DENND1A: variants seen among roughly 807,000 people sequenced by gnomAD.
DENND1A encodes DENN domain containing 1A, also known as DENN domain-containing protein 1A.
In DENND1A, 51 loss-of-function variants were observed where a neutral mutation model predicts 113.7. That is an observed-to-expected ratio of 0.45 (90% CI 0.36 to 0.57). The LOEUF (loss-of-function observed/expected upper bound fraction) is 0.57, where lower values mean the gene tolerates loss of function less well. Ranked by LOEUF, DENND1A falls within the 20% of genes least tolerant of loss-of-function variation. DENND1A has a pLI of 0.00. For synonymous variants in DENND1A, 565 were observed against 570.8 expected (o/e 0.99, Z 0.14); for missense variants, 1,258 against 1,395.9 (o/e 0.90, Z 1.57).
chr9:123,450,906 T>C (rs894314989), intron 17 of DENND1A, among the ~76,000 whole-genome samples, 157 bp from the exon 18 acceptor site: 3 of 151,804 alleles, frequency 2.0e-5, no homozygotes, highest in Non-Finnish European at 4.4e-5. Context: ...TGAAAACAAA[T>C]ACAACGGTAA....
At chr9:123,576,601 C>T (rs1453071382) in intron 12 of DENND1A, among the ~76,000 whole-genome samples, 1 of 152,064 alleles carries the variant, frequency 6.6e-6, no homozygotes, top group Non-Finnish European at 1.5e-5. Flanking sequence ...TGGGTTCAAG[C>T]GATTCTGCCA....
In DENND1A at chr9:123,546,915, T is replaced by C. The variant is rs147965157; in HGVS notation, c.993+10655A>G. ...ATTTCATTTTGATCATATTCAGTTA[T>C]GCTCTTTGAAATCATTCAGTTGAGA... On this transcript the variant is annotated intron_variant, in intron 13 of 23. Coordinates refer to ENST00000394215, the MANE Select transcript of DENND1A (RefSeq NM_001352964.2). 5.4e-4 allele frequency among the ~76,000 whole-genome samples: 83 copies of C among 152,384 alleles called. 2 individuals are homozygous for C. The highest frequency in any genetic ancestry group is 1.9e-3 in the African/African-American group (81 of 41,592).
intron 2 of DENND1A, among the ~76,000 whole-genome samples, chr9:123,828,652 G>GA (rs993527380): frequency 8.9e-5 from 12 of 135,488 alleles, no homozygotes; most frequent in African/African-American, 2.1e-4. Flanking sequence ...AAAAAAAAAA[G>GA]AAAAAAAAAT....
At chr9:123,538,121 A>G (rs1423852352) in intron 13 of DENND1A, among the ~76,000 whole-genome samples, 1 of 152,204 alleles carries the variant, frequency 6.6e-6, no homozygotes, top group Non-Finnish European at 1.5e-5. Context: ...AATTATGCTC[A>G]TGGTAGTATG....
At chr9:123,656,920 A>G (rs2062979010) in intron 8 of DENND1A, among the ~76,000 whole-genome samples, 2 of 152,194 alleles carry the variant, frequency 1.3e-5, no homozygotes, top group African/African-American at 2.4e-5. Flanking sequence ...TTTCCTACTC[A>G]TGGAGTTTAA....
chr9:123,710,480 G>C (rs926026000), intron 5 of DENND1A, among the ~76,000 whole-genome samples: 4 of 151,502 alleles, frequency 2.6e-5, no homozygotes, highest in African/African-American at 9.7e-5. Context: ...CACCAACCAA[G>C]AAAAGATAAC....
At chr9:123,660,549 A>T (rs1174525172) in intron 8 of DENND1A, among the ~76,000 whole-genome samples, 2 of 151,682 alleles carry the variant, frequency 1.3e-5, no homozygotes, top group Non-Finnish European at 1.5e-5. Flanking sequence ...TTAAGAAATT[A>T]TTTATTCTTA....
At chr9:123,663,105 T>TA (rs1482059736) in intron 8 of DENND1A, among the ~76,000 whole-genome samples, 3 of 152,234 alleles carry the variant, frequency 2.0e-5, no homozygotes, top group Non-Finnish European at 4.4e-5. Flanking sequence ...TTTAAGCCAT[T>TA]AATATGCATT....
At position 123,386,381 on chromosome 9, in the gene DENND1A, C is replaced by CTTT. The variant is rs34797849; in HGVS notation, c.1760+1346_1760+1348dup. Among the ~76,000 whole-genome samples the CTTT allele has an allele frequency of 6.5e-3, 881 of 135,150 alleles. 12 individuals are homozygous for CTTT. The highest frequency in any genetic ancestry group is 0.039 in the East Asian group (181 of 4,634). The allele number at this position is 135,150 out of a possible 152,430, so 88.7% of individuals were successfully genotyped here. ...CTTAGGCCACTACTTTCTTTTCTTT[C>CTTT]TTTTTTTTTTTTTTTTTAAAGGCAG... On this transcript the variant is annotated intron_variant, in intron 22 of 23. Transcript: ENST00000394215.
chr9:123,635,881 G>A (rs979335435), intron 9 of DENND1A, among the ~76,000 whole-genome samples: 5 of 152,074 alleles, frequency 3.3e-5, no homozygotes, highest in Non-Finnish European at 7.4e-5. Context: ...TTTTTGACCT[G>A]GGCAAGCCAC....
At chr9:123,621,775 A>T (rs1039209523) in intron 10 of DENND1A, among the ~76,000 whole-genome samples, 6 of 152,200 alleles carry the variant, frequency 3.9e-5, no homozygotes, top group African/African-American at 1.4e-4. Flanking sequence ...TCTAGCATTG[A>T]TCTATTTCCT....
intron 18 of DENND1A, among the ~76,000 whole-genome samples, chr9:123,442,040 G>A (rs150158919): frequency 1.2e-3 from 176 of 152,316 alleles, no homozygotes; most frequent in African/African-American, 3.8e-3. Flanking sequence ...GAAGATTAAA[G>A]GAGACAGATA....
chr9:123,418,487 C>G (rs565463311), intron 19 of DENND1A, among the ~76,000 whole-genome samples: 1 of 152,206 alleles, frequency 6.6e-6, no homozygotes, highest in Non-Finnish European at 1.5e-5. Context: ...GGGGAAGGCG[C>G]GTTGGAATAG....
At chr9:123,655,279 C>T (rs2062877727) in intron 8 of DENND1A, among the ~76,000 whole-genome samples, 1 of 152,172 alleles carries the variant, frequency 6.6e-6, no homozygotes, top group African/African-American at 2.4e-5. Flanking sequence ...CTTCTCCCAT[C>T]ATCCAGCAGT....
At chr9:123,790,427 T>A (rs1832832024) in intron 3 of DENND1A, among the ~76,000 whole-genome samples, 1 of 151,852 alleles carries the variant, frequency 6.6e-6, no homozygotes, top group African/African-American at 2.4e-5. Context: ...TTGGAAGAGA[T>A]AAATAAATCT....
chr9:123,559,182 C>T (rs1007764867), intron 12 of DENND1A, among the ~76,000 whole-genome samples: 5 of 152,128 alleles, frequency 3.3e-5, no homozygotes, highest in Admixed American at 3.3e-4. Context: ...ACAGAAAGAA[C>T]CCTGGCTTCG....
At chr9:123,691,550 T>G (rs1270589035) in intron 5 of DENND1A, among the ~76,000 whole-genome samples, 2 of 151,596 alleles carry the variant, frequency 1.3e-5, no homozygotes, top group East Asian at 3.9e-4. Flanking sequence ...ATTTTTTTTT[T>G]TTTTTGGAGG....
chr9:123,481,575 T>A (rs1588744878), intron 13 of DENND1A, among the ~76,000 whole-genome samples: 1 of 152,016 alleles, frequency 6.6e-6, no homozygotes, highest in Admixed American at 6.6e-5. Flanking sequence ...AGTGGTGGGG[T>A]CAGGTCCTAC....
intron 9 of DENND1A, among the ~76,000 whole-genome samples, chr9:123,635,408 T>A (rs1262555127): frequency 6.6e-6 from 1 of 152,234 alleles, no homozygotes; most frequent in African/African-American, 2.4e-5. Context: ...GAACTGGGAC[T>A]CACATCCAGG....
Sources: gnomAD v4.1 joint callset for allele counts (sites outside exome capture counted in the v4.1 genomes callset) on GRCh38, gnomAD v4.1.1 for gene constraint, MANE v1.5 for transcripts, NCBI Gene and HGNC (gene_info 2026-07-23, HGNC 2026-07-21) for gene names.